UBOX5: variants seen among roughly 807,000 people sequenced by gnomAD.
UBOX5 encodes U-box domain containing 5, also known as RING finger protein 37.
A neutral mutation model predicts 39.0 loss-of-function variants in UBOX5; 28 were observed. The ratio of observed to expected loss-of-function variants is 0.72; its 90% CI spans 0.53 to 0.98. The LOEUF (loss-of-function observed/expected upper bound fraction) is 0.98, where lower values mean the gene tolerates loss of function less well. UBOX5 is among the 50% of genes least tolerant of loss of function. The pLI, the probability that UBOX5 is intolerant of heterozygous loss-of-function variation, is 0.00. For missense variants in UBOX5, 585 were observed against 674.4 expected (o/e 0.87, Z 1.47); for synonymous variants, 283 against 275.5 (o/e 1.03, Z -0.27).
In UBOX5 at chr20:3,122,180, A is replaced by G. The variant is rs1600372682; in HGVS notation, c.459T>C (p.Ala153=). ...GAMEATLPSP[A]VVAQELWNKG... The stretch of plus-strand genomic sequence containing the variant: ...TATTCCAGAGCTCCTGGGCCACAAC[A>G]GCAGGGGAGGGGAGTGTGGCTTCCA... The change falls in exon 3 of 5, where the codon GCT becomes GCC. Residue 153 remains alanine, a synonymous_variant. Coordinates refer to ENST00000217173, the MANE Select transcript of UBOX5 (RefSeq NM_014948.4). 1 of 1,614,106 alleles carries G rather than the reference A, an allele frequency of 6.2e-7. No individual in the cohort carries two copies. Among genetic ancestry groups the G allele is most frequent in the Non-Finnish European group, 8.5e-7 (1 of 1,179,994 alleles).
At chr20:3,156,541 G>A (rs1246659531) in intron 1 of UBOX5, 1 of 152,152 alleles carries the variant, frequency 6.6e-6, no homozygotes. Flanking sequence ...CCTAGTTTAA[G>A]TGCCCCAAGT....
intron 1 of UBOX5, among the ~76,000 whole-genome samples, chr20:3,134,813 C>T (rs1019297874): frequency 6.6e-6 from 1 of 151,028 alleles, no homozygotes; most frequent in Admixed American, 6.6e-5. Flanking sequence ...TGCACTTGGC[C>T]GACACCGTGC....
intron 1 of UBOX5, among the ~76,000 whole-genome samples, chr20:3,130,802 T>C (rs2066423734): frequency 6.6e-6 from 1 of 151,896 alleles, no homozygotes; most frequent in African/African-American, 2.4e-5. Context: ...TTTACAATCC[T>C]ATTATCTCAA....
intron 1 of UBOX5, among the ~76,000 whole-genome samples, chr20:3,158,191 G>A (rs769185221): frequency 2.6e-5 from 4 of 151,778 alleles, no homozygotes; most frequent in Non-Finnish European, 5.9e-5. Context: ...GGTTGGTCTC[G>A]AACTCCTGGG....
intron 1 of UBOX5, among the ~76,000 whole-genome samples, chr20:3,128,657 TTCGAGA>T (rs2066407538): frequency 6.6e-6 from 1 of 151,694 alleles, no homozygotes; most frequent in Non-Finnish European, 1.5e-5. Context: ...AGCCCAGGAG[TTCGAGA>T]TCAGCCCGGG....
chr20:3,116,932 C>T (rs2066297664), intron 3 of UBOX5, among the ~76,000 whole-genome samples: 1 of 151,874 alleles, frequency 6.6e-6, no homozygotes, highest in Non-Finnish European at 1.5e-5. Flanking sequence ...CCTGTCTCTA[C>T]TGAAAATACA....
intron 3 of UBOX5, among the ~76,000 whole-genome samples, chr20:3,117,541 G>A (rs1315656202): frequency 5.9e-5 from 9 of 151,980 alleles, no homozygotes; most frequent in African/African-American, 1.2e-4. Flanking sequence ...AAAATTAGCC[G>A]GGTGTGGCGG....
At chr20:3,125,378 C>T (rs1242347762) in intron 1 of UBOX5, among the ~76,000 whole-genome samples, 3 of 145,580 alleles carry the variant, frequency 2.1e-5, no homozygotes, top group Non-Finnish European at 3.0e-5. Context: ...TGCCCAGCTG[C>T]CCCGTCTGGG....
At chr20:3,130,464 G>C (rs2066421152) in intron 1 of UBOX5, among the ~76,000 whole-genome samples, 1 of 151,604 alleles carries the variant, frequency 6.6e-6, no homozygotes, top group South Asian at 2.1e-4. Context: ...TCCTGCCTGA[G>C]TGCCCCAAGT....
chr20:3,117,297 A>G (rs886108001), intron 3 of UBOX5, among the ~76,000 whole-genome samples: 2 of 34,566 alleles, frequency 5.8e-5, no homozygotes, highest in African/African-American at 1.7e-4. Context: ...GCACACACAC[A>G]CACACACACA....
At position 3,122,370 on chromosome 20, in the gene UBOX5, C is replaced by T. The variant is rs755502043; in HGVS notation, c.269G>A (p.Ser90Asn). 1 of 1,614,210 alleles carries T rather than the reference C, an allele frequency of 6.2e-7. No individual in the cohort carries two copies. The highest frequency in any genetic ancestry group is 1.1e-5 in the South Asian group (1 of 91,084). The change falls in exon 3 of 5, where the codon AGC (serine) becomes AAC (asparagine). Residue 90 changes from serine to asparagine, a missense_variant. Coordinates refer to ENST00000217173, the MANE Select transcript of UBOX5 (RefSeq NM_014948.4). ...CTGGGGCGTATTCCAAGACACTCTG[C>T]TAGATGAGGCAGATGTGTACATTTC... The part of the protein sequence containing the change: ...GLEMYTSASS[S>N]RVSWNTPQCR...
chr20:3,149,195 G>T lies in UBOX5; in HGVS notation c.-42+10571C>A. 9.6e-7 allele frequency: 1 copy of T among 1,040,852 alleles called. No homozygotes were observed. Among genetic ancestry groups the T allele is most frequent in the Non-Finnish European group, 1.4e-6 (1 of 724,952 alleles). 64.5% of individuals were successfully genotyped at this position (1,040,852 alleles called of 1,614,324 possible). On this transcript the variant is annotated intron_variant, in intron 1 of 4. Transcript: ENST00000217173. This position sits in a 1 kb window ranked among gnomAD's most constrained non-coding sequence, Gnocchi z 4.1. ...GGGAGGTGTTCCACAAAAACTGCCT[G>T]GAAATCTTCAGCATATCACAAGAGC...
At chr20:3,151,792 G>A (rs1415716228) in intron 1 of UBOX5, 1 of 151,966 alleles carries the variant, frequency 6.6e-6, no homozygotes, top group Non-Finnish European at 1.5e-5. Context: ...CTACAGCACA[G>A]GAAAGGTGGG....
chr20:3,147,483 C>T, intron 1 of UBOX5: 3 of 1,614,192 alleles, frequency 1.9e-6, no homozygotes, highest in Non-Finnish European at 2.5e-6. Flanking sequence ...AGACGATTGC[C>T]TCTGTAATCT....
Position 3,122,034 on chromosome 20 carries a change from G to A in UBOX5, c.605C>T (p.Ser202Phe), listed in dbSNP as rs754999501. Reference protein sequence around the residue: ...EVWGQPAKTCSQEVIDSILLV... With the variant: ...EVWGQPAKTCFQEVIDSILLV... Reference sequence around the variant, plus strand: ...CAGGATGCTGTCTATCACTTCCTGGGAGCAGGTCTTGGCCGGCTGACCCCA... The same window carrying A: ...CAGGATGCTGTCTATCACTTCCTGGAAGCAGGTCTTGGCCGGCTGACCCCA... Residue 202 changes from serine to phenylalanine, a missense_variant, in exon 3 of 5, where the codon TCC becomes TTC. Transcript: ENST00000217173. The A allele has an allele frequency of 1.2e-6, 2 of 1,614,244 alleles. No individual in the cohort carries two copies. Among genetic ancestry groups the A allele is most frequent in the South Asian group, 1.1e-5 (1 of 91,090 alleles).
rs1305081887 is a variant in UBOX5, at chr20:3,139,459, G to A, written c.-41-16053C>T. ...GGCTGGAGTGCAATGGCGCGATCTC[G>A]GCTCACTGCAACCTCCCCGTCGTGG... On this transcript the variant is annotated intron_variant, in intron 1 of 4. Coordinates refer to ENST00000217173, the MANE Select transcript of UBOX5 (RefSeq NM_014948.4). Among the ~76,000 whole-genome samples the A allele has an allele frequency of 4.6e-5, 7 of 151,964 alleles. 1 individual carries two copies. The South Asian group carries it at 6.2e-4, about 14-fold the overall frequency.
intron 1 of UBOX5, chr20:3,147,699 TC>T: frequency 6.2e-7 from 1 of 1,614,234 alleles, no homozygotes; most frequent in Non-Finnish European, 8.5e-7. Flanking sequence ...TTTCTGTGAA[TC>T]TCACTTATCA....
At position 3,121,692 on chromosome 20, in the gene UBOX5, G is replaced by C. The variant is rs149560239; in HGVS notation, c.947C>G (p.Ser316Cys). The C allele has an allele frequency of 3.1e-6, 5 of 1,613,926 alleles. No homozygotes were observed. The highest frequency in any genetic ancestry group is 1.1e-5 in the South Asian group (1 of 91,088). The change falls in exon 3 of 5, where the codon TCT (serine) becomes TGT (cysteine). Residue 316 changes from serine (S) to cysteine (C), a missense_variant. Transcript: ENST00000217173. ...GAGGGAGGGGTGAGGCAGGGGCTGA[G>C]AGTGCGGAGTAAAAGCTACCCCCGT... ...PFTGVAFTPH[S>C]QPLPHPSLKA...
At chr20:3,123,511 A>C in intron 1 of UBOX5, 105 bp from the exon 2 acceptor site, 1 of 731,020 alleles carries the variant, frequency 1.4e-6, no homozygotes, top group Non-Finnish European at 2.3e-6. Flanking sequence ...CAAAAACTTG[A>C]ACACACACAC....
Sources: allele counts gnomAD v4.1 joint callset (sites outside exome capture counted in the v4.1 genomes callset), GRCh38; gene constraint gnomAD v4.1.1; non-coding constraint Gnocchi (gnomAD v3.1); transcripts MANE v1.5; gene names NCBI Gene and HGNC (gene_info 2026-07-23, HGNC 2026-07-21).